The following OCA2 variants were observed in gnomAD, a reference collection of about 807,000 sequenced individuals.
The protein encoded by OCA2 is P protein.
In OCA2, 77 loss-of-function variants were observed where a neutral mutation model predicts 100.2. The ratio of observed to expected loss-of-function variants is 0.77; its 90% CI spans 0.64 to 0.93. The LOEUF (loss-of-function observed/expected upper bound fraction) is 0.93. Among genes scored for constraint, OCA2 ranks in the 40% least tolerant of loss-of-function variants. The pLI is 0.00. For synonymous variants in OCA2, 432 were observed against 439.2 expected (o/e 0.98, Z 0.21); for missense variants, 1,062 against 1,089.1 (o/e 0.98, Z 0.35).
chr15:27,903,590 G>T lies in OCA2; in HGVS notation c.2079+22537C>A, dbSNP rs568677016. Among the ~76,000 whole-genome samples the T allele has an allele frequency of 9.8e-5, 15 of 152,334 alleles. 1 individual carries two copies. The highest frequency in any genetic ancestry group is 3.6e-4 in the African/African-American group (15 of 41,584). ...GGAAAGTCCCGGGCTTCCCCCAGGA[G>T]CTTGGAACTCCCCTCGCCCCCTGCT... is the stretch of plus-strand genomic sequence containing the variant. On this transcript the variant is annotated intron_variant, in intron 19 of 23. Coordinates refer to ENST00000354638, the MANE Select transcript of OCA2 (RefSeq NM_000275.3).
chr15:27,913,861 A>AAG (rs1567097835), intron 19 of OCA2, among the ~76,000 whole-genome samples: 3 of 47,592 alleles, frequency 6.3e-5, no homozygotes, highest in Admixed American at 2.7e-4. Context: ...GAAAGAAAGA[A>AAG]AGAAAGAAAG....
intron 23 of OCA2, among the ~76,000 whole-genome samples, chr15:27,783,465 T>G (rs2032648968): frequency 6.6e-6 from 1 of 152,130 alleles, no homozygotes; most frequent in Admixed American, 6.5e-5. Flanking sequence ...AATTAAAAAC[T>G]TTTCTTGAAT....
At chr15:27,893,609 C>A (rs2037559029) in intron 19 of OCA2, among the ~76,000 whole-genome samples, 1 of 152,138 alleles carries the variant, frequency 6.6e-6, no homozygotes, top group Admixed American at 6.5e-5. Context: ...AACGGCCACT[C>A]TGGGAATGTC....
chr15:28,026,483 G>A (rs2042750757), intron 4 of OCA2, among the ~76,000 whole-genome samples: 2 of 152,142 alleles, frequency 1.3e-5, no homozygotes, highest in Admixed American at 1.3e-4. Context: ...TTGCACCCAC[G>A]AGGGGGGCTG....
intron 23 of OCA2, among the ~76,000 whole-genome samples, chr15:27,795,165 T>C (rs1009028558): frequency 2.0e-5 from 3 of 152,158 alleles, no homozygotes; most frequent in African/African-American, 7.2e-5. Context: ...ACCTTCAATC[T>C]GGGTGAAAAG....
chr15:28,073,220 C>G (rs112380351), intron 2 of OCA2, among the ~76,000 whole-genome samples: 15,360 of 152,122 alleles, frequency 0.1, 1,635 homozygotes, highest in East Asian at 0.64. Context: ...TTGAGACCAG[C>G]CTGGCCAACA....
At chr15:27,800,833 T>C (rs1363918925) in intron 23 of OCA2, among the ~76,000 whole-genome samples, 3 of 149,162 alleles carry the variant, frequency 2.0e-5, no homozygotes, top group Admixed American at 2.0e-4. Flanking sequence ...CCAGGTGTGG[T>C]GGTACATGCC....
intron 23 of OCA2, among the ~76,000 whole-genome samples, chr15:27,791,485 A>G (rs1320886193): frequency 6.6e-6 from 1 of 152,174 alleles, no homozygotes; most frequent in South Asian, 2.1e-4. Context: ...AGTGGTGGCC[A>G]GTGGTTGCTC....
intron 1 of OCA2, among the ~76,000 whole-genome samples, chr15:28,085,595 C>T (rs778021098): frequency 5.9e-5 from 9 of 152,144 alleles, no homozygotes; most frequent in Admixed American, 1.3e-4. Flanking sequence ...AAAGCCCAGC[C>T]TCTCAAGGAC....
intron 23 of OCA2, among the ~76,000 whole-genome samples, chr15:27,781,801 A>G (rs1044382816): frequency 5.9e-5 from 9 of 152,228 alleles, no homozygotes; most frequent in Admixed American, 5.9e-4. Flanking sequence ...ACATACTGAC[A>G]TTAAAATTAT....
At chr15:28,029,966 C>T (rs1333999983) in intron 3 of OCA2, among the ~76,000 whole-genome samples, 1 of 152,198 alleles carries the variant, frequency 6.6e-6, no homozygotes, top group East Asian at 1.9e-4. Context: ...CATGTCTCTG[C>T]TCTGCATGCC....
At chr15:27,995,649 TAAAGCAC>T (rs1052551783) in intron 9 of OCA2, among the ~76,000 whole-genome samples, 1 of 151,908 alleles carries the variant, frequency 6.6e-6, no homozygotes, top group Non-Finnish European at 1.5e-5. Flanking sequence ...CTCAACCTCC[TAAAGCAC>T]TAAGATTATA....
chr15:27,808,356 T>A (rs1375191216), intron 23 of OCA2, among the ~76,000 whole-genome samples: 1 of 152,154 alleles, frequency 6.6e-6, no homozygotes, highest in Non-Finnish European at 1.5e-5. Flanking sequence ...CTCCTTCCCT[T>A]CAGCTGAAAG....
At position 27,817,836 on chromosome 15, in the gene OCA2, C is replaced by T. The variant is rs559421972; in HGVS notation, c.2432+27123G>A. 4.6e-5 allele frequency among the ~76,000 whole-genome samples: 7 copies of T among 152,236 alleles called. No homozygotes were observed. In the East Asian group the frequency reaches 1.2e-3, roughly 25 times the overall value. ...TGGGGATCCTTATAAGAAGGGCCCA[C>T]GCTTTTACATACTTGAGTGAGATGT... is the stretch of plus-strand genomic sequence containing the variant. On this transcript the variant is annotated intron_variant, in intron 23 of 23. Transcript: ENST00000354638.
At chr15:27,877,290 T>C (rs1350548666) in intron 19 of OCA2, among the ~76,000 whole-genome samples, 5 of 151,960 alleles carry the variant, frequency 3.3e-5, no homozygotes, top group African/African-American at 9.7e-5. Context: ...CATGACAAGA[T>C]TGAATTCTGT....
intron 23 of OCA2, chr15:27,776,492 A>G (rs903628136): frequency 2.6e-5 from 4 of 152,218 alleles, no homozygotes; most frequent in Non-Finnish European, 5.9e-5. Flanking sequence ...CATCGACTGC[A>G]CAGCCCATGT....
intron 21 of OCA2, among the ~76,000 whole-genome samples, chr15:27,864,787 T>A (rs1452646625): frequency 6.6e-6 from 1 of 152,062 alleles, no homozygotes; most frequent in South Asian, 2.1e-4. Context: ...TTCAAGCACA[T>A]GAGGTTGAAA....
intron 23 of OCA2, among the ~76,000 whole-genome samples, chr15:27,756,310 T>A (rs1326612644): frequency 6.6e-6 from 1 of 152,198 alleles, no homozygotes; most frequent in East Asian, 1.9e-4. Context: ...GCCATAAGTG[T>A]AGGAAGAGGC....
chr15:27,799,985 A>G (rs1439749710), intron 23 of OCA2, among the ~76,000 whole-genome samples: 2 of 152,188 alleles, frequency 1.3e-5, no homozygotes, highest in Admixed American at 6.5e-5. Context: ...TGCTGTAAGG[A>G]TTTGGGTCAT....
Sources: allele counts gnomAD v4.1 joint callset (sites outside exome capture counted in the v4.1 genomes callset), GRCh38; gene constraint gnomAD v4.1.1; transcripts MANE v1.5; gene names NCBI Gene and HGNC (gene_info 2026-07-23, HGNC 2026-07-21).